Variants in RASAL2 observed in about 807,000 individuals in gnomAD.
RASAL2 encodes the protein RAS protein activator like 2.
Under a neutral mutation model 128.9 loss-of-function variants are expected in RASAL2, and 58 were observed. The observed-to-expected ratio is 0.45, with a 90% CI of 0.36 to 0.56. The LOEUF (loss-of-function observed/expected upper bound fraction) is 0.56. Ranked by LOEUF, RASAL2 falls within the 20% of genes least tolerant of loss-of-function variation. The pLI is 0.00. For missense variants in RASAL2, 1,360 were observed against 1,601.6 expected, an observed-to-expected ratio of 0.85 and a Z score of 2.57; for synonymous variants, 561 against 580.8, an observed-to-expected ratio of 0.97 and a Z score of 0.49.
In RASAL2 at chr1:178,300,092, A is replaced by G. The variant is rs1453247975; in HGVS notation, c.431A>G (p.Tyr144Cys). Residue 144 changes from tyrosine to cysteine, a missense_variant, in exon 3 of 18, where the codon TAC (tyrosine) becomes TGC (cysteine). Tyr to Cys is a radical substitution (Grantham distance 194, BLOSUM62 -2). Around this residue, in one of 3 missense-constraint regions of RASAL2, gnomAD observed 617 missense variants for 714.2 expected, o/e 0.86. Coordinates refer to ENST00000367649, the MANE Select transcript of RASAL2 (RefSeq NM_170692.4). The stretch of plus-strand genomic sequence containing the variant: ...CCTTCCGAGGGTCAGTTTCCCGAGT[A>G]CCCACCAGAGGGCGCCACTAAACTG... ...SVPSEGQFPEYPPEGATKLEV... is the reference protein window; with the variant it reads ...SVPSEGQFPECPPEGATKLEV... 6.2e-7 allele frequency: 1 copy of G among 1,613,560 alleles called. No individual in the cohort carries two copies. The highest frequency in any genetic ancestry group is 8.5e-7 in the Non-Finnish European group (1 of 1,179,834).
chr1:178,334,948 T>G (rs1462768565), intron 3 of RASAL2, among the ~76,000 whole-genome samples: 1 of 151,976 alleles, frequency 6.6e-6, no homozygotes, highest in Non-Finnish European at 1.5e-5. Flanking sequence ...AGAGTGAGAC[T>G]CTGTCTAAAA....
chr1:178,132,519 A>G (rs1279611183), intron 1 of RASAL2, among the ~76,000 whole-genome samples: 2 of 152,182 alleles, frequency 1.3e-5, no homozygotes, highest in African/African-American at 2.4e-5. Flanking sequence ...TGAGGAGAAC[A>G]TAAATCACCC....
intron 3 of RASAL2, among the ~76,000 whole-genome samples, chr1:178,366,944 T>G (rs1376994891): frequency 6.6e-6 from 1 of 152,264 alleles, no homozygotes; most frequent in South Asian, 2.1e-4. Context: ...TGACTGCTAA[T>G]GGACACAGAG....
chr1:178,213,311 A>C (rs1308638535), intron 1 of RASAL2, among the ~76,000 whole-genome samples: 2 of 152,036 alleles, frequency 1.3e-5, no homozygotes, highest in Admixed American at 1.3e-4. Flanking sequence ...CCCAAAGTGC[A>C]GGGATTACAG....
At chr1:178,380,381 G>C (rs1023799760) in intron 3 of RASAL2, among the ~76,000 whole-genome samples, 1 of 152,020 alleles carries the variant, frequency 6.6e-6, no homozygotes, top group Non-Finnish European at 1.5e-5. Context: ...AAGGAGAGTG[G>C]TCCTAAACTC....
chr1:178,461,468 T>G (rs900042051), intron 14 of RASAL2, among the ~76,000 whole-genome samples: 4 of 152,110 alleles, frequency 2.6e-5, no homozygotes, highest in Admixed American at 6.5e-5. Flanking sequence ...CAAGAAACTC[T>G]CTTAATTTTT....
At chr1:178,226,531 C>T (rs999007209) in intron 1 of RASAL2, among the ~76,000 whole-genome samples, 1 of 152,108 alleles carries the variant, frequency 6.6e-6, no homozygotes, top group South Asian at 2.1e-4. Flanking sequence ...TGTTGTAATA[C>T]TTGCTTTGAA....
At chr1:178,444,408 ACT>A (rs777000847) in intron 8 of RASAL2, among the ~76,000 whole-genome samples, 1 of 152,076 alleles carries the variant, frequency 6.6e-6, no homozygotes, top group African/African-American at 2.4e-5. Flanking sequence ...TAAGTCTACA[ACT>A]CTGTTATACT....
At chr1:178,118,386 T>C (rs1016250557) in intron 1 of RASAL2, among the ~76,000 whole-genome samples, 1 of 152,068 alleles carries the variant, frequency 6.6e-6, no homozygotes, top group African/African-American at 2.4e-5. Flanking sequence ...CTCACCATAA[T>C]GTAGAATCAG....
chr1:178,288,134 A>G (rs1406778325), intron 2 of RASAL2, among the ~76,000 whole-genome samples: 4 of 152,250 alleles, frequency 2.6e-5, no homozygotes, highest in Non-Finnish European at 5.9e-5. Flanking sequence ...CATGGAAAGT[A>G]GGCTGTACAA....
At chr1:178,164,490 T>TGC in intron 1 of RASAL2, among the ~76,000 whole-genome samples, 1 of 144,422 alleles carries the variant, frequency 6.9e-6, no homozygotes, top group Non-Finnish European at 1.5e-5. Flanking sequence ...TTTGTGTGTG[T>TGC]GTGTGTGTGT....
chr1:178,427,925 C>T (rs1454699631), intron 5 of RASAL2, among the ~76,000 whole-genome samples: 1 of 152,014 alleles, frequency 6.6e-6, no homozygotes, highest in African/African-American at 2.4e-5. Context: ...TCATACCCAC[C>T]TCCCCACACC....
At chr1:178,129,909 GT>G (rs1169718990) in intron 1 of RASAL2, among the ~76,000 whole-genome samples, 5 of 151,818 alleles carry the variant, frequency 3.3e-5, no homozygotes, top group Non-Finnish European at 5.9e-5. Flanking sequence ...GTGAAAACAT[GT>G]TTTTTTCTTT....
chr1:178,297,601 C>A (rs1456500907), intron 2 of RASAL2, among the ~76,000 whole-genome samples: 2 of 127,434 alleles, frequency 1.6e-5, no homozygotes, highest in Admixed American at 1.6e-4. Flanking sequence ...GAGCAAGACT[C>A]CATCTCAAAA....
intron 1 of RASAL2, among the ~76,000 whole-genome samples, chr1:178,175,437 C>CGTGTGTGT (rs1158552851): frequency 0.37 from 53,558 of 144,172 alleles, 10,274 homozygotes; most frequent in South Asian, 0.45. Context: ...TACATGGTTA[C>CGTGTGTGT]GTGTGTGTGT....
At chr1:178,322,080 A>G (rs990702721) in intron 3 of RASAL2, among the ~76,000 whole-genome samples, 2 of 151,488 alleles carry the variant, frequency 1.3e-5, no homozygotes, top group African/African-American at 4.9e-5. Context: ...TGATACTCCC[A>G]CCTCGGCCTC....
At chr1:178,355,135 C>G (rs533741767) in intron 3 of RASAL2, among the ~76,000 whole-genome samples, 1 of 152,272 alleles carries the variant, frequency 6.6e-6, no homozygotes, top group Admixed American at 6.5e-5. Flanking sequence ...CTGTCTTTCT[C>G]TCTTTCTTTC....
At chr1:178,455,896 G>T (rs915658173) in intron 12 of RASAL2, among the ~76,000 whole-genome samples, 1 of 152,198 alleles carries the variant, frequency 6.6e-6, no homozygotes, top group African/African-American at 2.4e-5. Flanking sequence ...TAAAGAGTTC[G>T]TCTTTGTTGA....
intron 3 of RASAL2, among the ~76,000 whole-genome samples, chr1:178,366,511 A>C (rs924808665): frequency 6.6e-6 from 1 of 151,968 alleles, no homozygotes; most frequent in East Asian, 1.9e-4. Context: ...ATTAGGGAGA[A>C]AATGTGGTGA....
Sources: gnomAD v4.1 joint callset for allele counts (sites outside exome capture counted in the v4.1 genomes callset) on GRCh38, gnomAD v4.1.1 for gene constraint, gnomAD v4.1.1 regional missense constraint, MANE v1.5 for transcripts, NCBI Gene and HGNC (gene_info 2026-07-23, HGNC 2026-07-21) for gene names.